Variants in MTA3 observed in about 807,000 individuals in gnomAD.
MTA3 encodes metastasis associated 1 family member 3.
Under a neutral mutation model 83.5 loss-of-function variants are expected in MTA3, and 34 were observed. The ratio of observed to expected loss-of-function variants is 0.41; its 90% confidence interval spans 0.31 to 0.54. MTA3 has a LOEUF of 0.54. MTA3 is among the 20% of genes least tolerant of loss of function. MTA3 has a pLI of 0.33. For synonymous variants in MTA3, 303 were observed against 252.7 expected, an observed-to-expected ratio of 1.20 and a Z score of -1.89; for missense variants, 761 against 726.4, an observed-to-expected ratio of 1.05 and a Z score of -0.55.
chr2:42,734,604 C>G (rs186304436), intron 16 of MTA3, among the ~76,000 whole-genome samples: 1 of 149,404 alleles, frequency 6.7e-6, no homozygotes, highest in Admixed American at 6.7e-5. Context: ...TTTGTTTTCT[C>G]GTTATTTTGT....
intron 3 of MTA3, among the ~76,000 whole-genome samples, chr2:42,579,967 G>T (rs1679438066): frequency 6.6e-6 from 1 of 150,908 alleles, no homozygotes. Context: ...GAGGGGACTA[G>T]GTCTTGCTCT....
At chr2:42,524,268 A>G (rs754565813) in intron 2 of MTA3, among the ~76,000 whole-genome samples, 1 of 151,614 alleles carries the variant, frequency 6.6e-6, no homozygotes, top group African/African-American at 2.4e-5. Context: ...GAAAAAGAGC[A>G]TATGTTCAGC....
intron 3 of MTA3, among the ~76,000 whole-genome samples, chr2:42,583,376 A>G (rs1269187528): frequency 6.6e-6 from 1 of 152,194 alleles, no homozygotes; most frequent in Admixed American, 6.6e-5. Flanking sequence ...ACAGCACATA[A>G]AGTTGTCTGA....
intron 2 of MTA3, among the ~76,000 whole-genome samples, chr2:42,551,741 AT>A (rs906439570): frequency 1.3e-5 from 2 of 149,518 alleles, no homozygotes; most frequent in African/African-American, 2.5e-5. Context: ...TGAGGAGGTA[AT>A]TTTTTTTTTC....
chr2:42,542,586 CTGTTGCCCAGGCAAGAG>C (rs1676571416), intron 2 of MTA3, among the ~76,000 whole-genome samples: 1 of 152,150 alleles, frequency 6.6e-6, no homozygotes, highest in Non-Finnish European at 1.5e-5. Flanking sequence ...GAGTCTCACT[CTGTTGCCCAGGCAAGAG>C]TGTAGTGGCA....
chr2:42,748,197 G>GTA (rs1669588803), intron 16 of MTA3, among the ~76,000 whole-genome samples: 1 of 138,240 alleles, frequency 7.2e-6, no homozygotes, highest in Admixed American at 7.5e-5. Flanking sequence ...TCCAGCTAAT[G>GTA]TGTTTGTGTG....
At chr2:42,544,484 AC>A (rs1259688507) in intron 2 of MTA3, among the ~76,000 whole-genome samples, 21 of 151,744 alleles carry the variant, frequency 1.4e-4, no homozygotes, top group African/African-American at 4.8e-4. Flanking sequence ...AAAAAAAAAA[AC>A]ATAGTTATAG....
chr2:42,558,927 C>T (rs2103794885), intron 2 of MTA3, among the ~76,000 whole-genome samples: 1 of 152,140 alleles, frequency 6.6e-6, no homozygotes, highest in South Asian at 2.1e-4. Flanking sequence ...TGGAGCTCAG[C>T]CTTGTCTCAG....
At chr2:42,702,023 C>T (rs1325280929) in intron 11 of MTA3, among the ~76,000 whole-genome samples, 2 of 152,120 alleles carry the variant, frequency 1.3e-5, no homozygotes, top group East Asian at 3.9e-4. Flanking sequence ...CCAGCCTGGC[C>T]AACATGGTGA....
intron 16 of MTA3, among the ~76,000 whole-genome samples, chr2:42,744,840 G>T (rs1669298486): frequency 6.6e-6 from 1 of 152,202 alleles, no homozygotes; most frequent in Non-Finnish European, 1.5e-5. Flanking sequence ...AACAACCCCA[G>T]AAACCAATTG....
chr2:42,599,419 C>T (rs190884560), intron 3 of MTA3, among the ~76,000 whole-genome samples: 40 of 151,960 alleles, frequency 2.6e-4, no homozygotes, highest in African/African-American at 9.2e-4. Flanking sequence ...ACAGTGAAAC[C>T]CCGTCTCTAC....
chr2:42,505,324 G>A (rs969125874), intron 2 of MTA3, among the ~76,000 whole-genome samples: 2 of 152,088 alleles, frequency 1.3e-5, no homozygotes, highest in Admixed American at 6.6e-5. Context: ...CCTGGTAGGC[G>A]GAGGTTGCAG....
chr2:42,683,536 C>T (rs1692116145), intron 9 of MTA3, among the ~76,000 whole-genome samples: 1 of 152,122 alleles, frequency 6.6e-6, no homozygotes, highest in South Asian at 2.1e-4. Context: ...ATTATGATTA[C>T]ATTGTCATAT....
chr2:42,579,301 A>G (rs116367677), intron 3 of MTA3, 101 bp downstream of exon 3: 32,725 of 826,410 alleles, frequency 0.04, 780 homozygotes, highest in Non-Finnish European at 0.047. Context: ...TTGCTTGTCC[A>G]TTTATCTTCT....
At chr2:42,685,749 C>G (rs1302552492) in intron 9 of MTA3, among the ~76,000 whole-genome samples, 1 of 152,182 alleles carries the variant, frequency 6.6e-6, no homozygotes, top group East Asian at 1.9e-4. Context: ...CTACTTGTGT[C>G]AAACCCTTAA....
intron 3 of MTA3, among the ~76,000 whole-genome samples, chr2:42,607,077 G>C (rs1035709146): frequency 8.6e-6 from 1 of 115,608 alleles, no homozygotes; most frequent in Non-Finnish European, 1.8e-5. Context: ...TAGGGGTAGG[G>C]GTAGGGGTAG....
intron 2 of MTA3, chr2:42,532,911 C>A (rs866012309): frequency 3.5e-6 from 1 of 284,784 alleles, no homozygotes; most frequent in Non-Finnish European, 6.8e-6. Flanking sequence ...TGACCATTTT[C>A]CTTCACGCGC....
chr2:42,733,851 G>A (rs1156250278), intron 16 of MTA3, among the ~76,000 whole-genome samples: 2 of 151,998 alleles, frequency 1.3e-5, no homozygotes, highest in Non-Finnish European at 2.9e-5. Context: ...CAATATTCCT[G>A]TTGTTATTGA....
chr2:42,620,112 C>T (rs1182507618), intron 4 of MTA3, among the ~76,000 whole-genome samples: 2 of 150,918 alleles, frequency 1.3e-5, no homozygotes, highest in Non-Finnish European at 3.0e-5. Flanking sequence ...TTCAAGACAT[C>T]ACACATCTTT....
Sources: gnomAD v4.1 joint callset for allele counts (sites outside exome capture counted in the v4.1 genomes callset) on GRCh38, gnomAD v4.1.1 for gene constraint, MANE v1.5 for transcripts, NCBI Gene and HGNC (gene_info 2026-07-23, HGNC 2026-07-21) for gene names.